SMAP1: variants seen among roughly 807,000 people sequenced by gnomAD.
SMAP1 encodes the protein small ArfGAP 1.
Under a neutral mutation model 58.5 loss-of-function variants are expected in SMAP1, and 24 were observed. The ratio of observed to expected loss-of-function variants is 0.41; its 90% confidence interval spans 0.30 to 0.58. SMAP1 has a LOEUF of 0.58. Among genes scored for constraint, SMAP1 ranks in the 20% least tolerant of loss-of-function variants. SMAP1 has a pLI of 0.29. For missense variants in SMAP1, 563 were observed against 566.3 expected, an observed-to-expected ratio of 0.99 and a Z score of 0.06; for synonymous variants, 216 against 196.6, an observed-to-expected ratio of 1.10 and a Z score of -0.82.
chr6:70,759,784 A>G, intron 3 of SMAP1: 1 of 350,510 alleles, frequency 2.9e-6, no homozygotes, highest in Non-Finnish European at 5.8e-6. Context: ...TTTATAGTGA[A>G]TTGATTGGTG....
At chr6:70,763,532 C>G (rs1699399447) in intron 3 of SMAP1, among the ~76,000 whole-genome samples, 1 of 152,086 alleles carries the variant, frequency 6.6e-6, no homozygotes, top group African/African-American at 2.4e-5. Flanking sequence ...AAGAGTCTCA[C>G]CTTGCTCATT....
intron 2 of SMAP1, among the ~76,000 whole-genome samples, chr6:70,738,158 A>T (rs564671230): frequency 2.6e-5 from 4 of 152,290 alleles, no homozygotes; most frequent in African/African-American, 9.6e-5. Context: ...GATGACTCTG[A>T]AGTTTCTTCC....
intron 3 of SMAP1, among the ~76,000 whole-genome samples, chr6:70,768,335 C>T (rs1262939344): frequency 6.6e-6 from 1 of 152,120 alleles, no homozygotes; most frequent in Non-Finnish European, 1.5e-5. Context: ...GTGCCAGTTC[C>T]TCCTTGTACC....
At chr6:70,704,208 C>A (rs886812140) in intron 1 of SMAP1, among the ~76,000 whole-genome samples, 1 of 152,174 alleles carries the variant, frequency 6.6e-6, no homozygotes, top group African/African-American at 2.4e-5. Context: ...CATCTGTCCT[C>A]ATGTAATTTT....
At chr6:70,805,500 C>T (rs1769084827) in intron 6 of SMAP1, among the ~76,000 whole-genome samples, 2 of 152,186 alleles carry the variant, frequency 1.3e-5, no homozygotes, top group South Asian at 2.1e-4. Context: ...AAGCCTACTT[C>T]AGTCAACTCG....
intron 1 of SMAP1, among the ~76,000 whole-genome samples, chr6:70,706,616 C>T (rs773973184): frequency 2.6e-5 from 4 of 152,064 alleles, no homozygotes; most frequent in African/African-American, 4.8e-5. Flanking sequence ...AAAATGTTTG[C>T]ATAATTAAAA....
intron 7 of SMAP1, 83 bp from the exon 8 acceptor site, chr6:70,852,457 C>A: frequency 1.6e-6 from 2 of 1,259,792 alleles, no homozygotes; most frequent in Non-Finnish European, 2.1e-6. Flanking sequence ...TTTTTTTAAC[C>A]ATATATCAAT....
At chr6:70,746,561 G>A (rs991792721) in intron 2 of SMAP1, among the ~76,000 whole-genome samples, 1 of 152,122 alleles carries the variant, frequency 6.6e-6, no homozygotes, top group Non-Finnish European at 1.5e-5. Flanking sequence ...ATGTGCTGCC[G>A]GATTCGGTTT....
chr6:70,844,253 C>T lies in SMAP1; in HGVS notation c.664+7225C>T, dbSNP rs530200268. ...ATTTGATATATATTTATTTTTTAAA[C>T]AATCAGTTCTACAAAGCTTCCTCCT... is the stretch of plus-strand genomic sequence containing the variant. On this transcript the variant is annotated intron_variant, in intron 7 of 10. Transcript: ENST00000370455. 6.8e-4 allele frequency among the ~76,000 whole-genome samples: 104 copies of T among 152,272 alleles called. 1 individual carries two copies. The South Asian group carries it at 0.01, about 15-fold the overall frequency.
At chr6:70,850,241 G>C (rs1582307144) in intron 7 of SMAP1, among the ~76,000 whole-genome samples, 2 of 152,120 alleles carry the variant, frequency 1.3e-5, no homozygotes, top group Non-Finnish European at 2.9e-5. Context: ...GGGCACACTG[G>C]TGTTCTGTGA....
At chr6:70,765,093 G>T (rs772562956) in intron 3 of SMAP1, among the ~76,000 whole-genome samples, 2 of 152,166 alleles carry the variant, frequency 1.3e-5, no homozygotes, top group Non-Finnish European at 2.9e-5. Context: ...GAGCCATTTT[G>T]CCCAGCCAGA....
intron 6 of SMAP1, among the ~76,000 whole-genome samples, chr6:70,800,292 T>TA (rs111891115): frequency 8.8e-5 from 13 of 148,312 alleles, no homozygotes; most frequent in East Asian, 7.9e-4. Flanking sequence ...AGACACCCTT[T>TA]AAAAAAAAAA....
intron 1 of SMAP1, among the ~76,000 whole-genome samples, chr6:70,709,351 T>TC (rs1024063260): frequency 4.6e-5 from 7 of 152,132 alleles, no homozygotes; most frequent in African/African-American, 1.7e-4. Context: ...ACTTTTTTTT[T>TC]CTTTTGAGAC....
chr6:70,691,513 T>C (rs1277978289), intron 1 of SMAP1, among the ~76,000 whole-genome samples: 2 of 152,196 alleles, frequency 1.3e-5, no homozygotes, highest in African/African-American at 4.8e-5. Context: ...TTGACTGTAA[T>C]CACCCTGTTG....
chr6:70,778,266 T>G (rs1315650868), intron 4 of SMAP1, among the ~76,000 whole-genome samples: 1 of 152,152 alleles, frequency 6.6e-6, no homozygotes, highest in African/African-American at 2.4e-5. Flanking sequence ...TTGGTGAAAG[T>G]GGGTATCCTT....
chr6:70,747,673 T>A (rs1386038465), intron 2 of SMAP1, among the ~76,000 whole-genome samples: 1 of 152,176 alleles, frequency 6.6e-6, no homozygotes, highest in Admixed American at 6.5e-5. Context: ...CTTAAGCACC[T>A]AGAGTGAAAG....
At chr6:70,765,851 C>T (rs546926853) in intron 3 of SMAP1, among the ~76,000 whole-genome samples, 1 of 151,394 alleles carries the variant, frequency 6.6e-6, no homozygotes, top group South Asian at 2.1e-4. Flanking sequence ...CCCATTAACT[C>T]GTCATTTAGC....
chr6:70,678,502 A>G (rs574829083), intron 1 of SMAP1, among the ~76,000 whole-genome samples: 1 of 152,330 alleles, frequency 6.6e-6, no homozygotes, highest in African/African-American at 2.4e-5. Context: ...AAAAAAATTA[A>G]CAGAAGAATG....
At chr6:70,778,709 A>C (rs1247155071) in intron 4 of SMAP1, among the ~76,000 whole-genome samples, 1 of 152,186 alleles carries the variant, frequency 6.6e-6, no homozygotes, top group African/African-American at 2.4e-5. Context: ...TGCTAACAAC[A>C]GTGTCAGTCT....
Sources: gnomAD v4.1 joint callset for allele counts (sites outside exome capture counted in the v4.1 genomes callset) on GRCh38, gnomAD v4.1.1 for gene constraint, MANE v1.5 for transcripts, NCBI Gene and HGNC (gene_info 2026-07-23, HGNC 2026-07-21) for gene names.